The following TRIM25 variants were observed in gnomAD, a reference collection of about 807,000 sequenced individuals.
TRIM25 encodes the protein E3 ubiquitin/ISG15 ligase TRIM25.
A neutral mutation model predicts 65.2 loss-of-function variants in TRIM25; 45 were observed. The ratio of observed to expected loss-of-function variants is 0.69; its 90% CI spans 0.54 to 0.89. The LOEUF is 0.89. Ranked by LOEUF, TRIM25 falls within the 40% of genes least tolerant of loss-of-function variation. The pLI is 0.00. For synonymous variants in TRIM25, 321 were observed against 340.4 expected, an observed-to-expected ratio of 0.94 and a Z score of 0.63; for missense variants, 714 against 803.7, an observed-to-expected ratio of 0.89 and a Z score of 1.35.
chr17:56,893,686 G>A (rs562977187), intron 8 of TRIM25, among the ~76,000 whole-genome samples: 38 of 152,364 alleles, frequency 2.5e-4, no homozygotes, highest in African/African-American at 9.1e-4. Context: ...AGGGCCCTAG[G>A]CCTGGCCTTG....
chr17:56,911,887 G>A (rs1909636648), intron 1 of TRIM25, among the ~76,000 whole-genome samples: 1 of 149,970 alleles, frequency 6.7e-6, no homozygotes, highest in East Asian at 2.0e-4. Context: ...GTAAGATCCT[G>A]TCTCTAAAAG....
chr17:56,900,791 G>T (rs1909395020), intron 4 of TRIM25, among the ~76,000 whole-genome samples: 1 of 152,212 alleles, frequency 6.6e-6, no homozygotes, highest in Non-Finnish European at 1.5e-5. Flanking sequence ...AGGGTCAAGG[G>T]TTTGGTCTGC....
chr17:56,890,060 C>T lies in TRIM25; in HGVS notation c.*1640G>A. On this transcript the variant is annotated 3_prime_UTR_variant, in exon 9 of 9. Coordinates refer to ENST00000316881, the MANE Select transcript of TRIM25 (RefSeq NM_005082.5). ...AGCCTGCCTAGAGTGCCCTAGAGTT[C>T]CAGCACGAGGCCTGAGATGCATTAC... is the stretch of plus-strand genomic sequence containing the variant. 1 of 400,514 alleles carries T rather than the reference C, an allele frequency of 2.5e-6. No individual in the cohort carries two copies. The allele number at this position is 400,514 out of a possible 1,614,324, so 24.8% of individuals were successfully genotyped here.
chr17:56,892,614 C>G (rs1241569327), intron 8 of TRIM25, among the ~76,000 whole-genome samples: 1 of 152,172 alleles, frequency 6.6e-6, no homozygotes, highest in Non-Finnish European at 1.5e-5. Flanking sequence ...TTTATCCATC[C>G]ACCCATCTAT....
At chr17:56,904,784 C>A (rs970483221) in intron 2 of TRIM25, among the ~76,000 whole-genome samples, 2 of 152,208 alleles carry the variant, frequency 1.3e-5, no homozygotes, top group African/African-American at 4.8e-5. Context: ...AACCTGGAAT[C>A]AACCTGAACA....
rs144721272 is a variant in TRIM25, at chr17:56,889,576, G to A, written c.*2124C>T. On this transcript the variant is annotated 3_prime_UTR_variant, in exon 9 of 9. Transcript: ENST00000316881. ...ACAACTCCAAAGCACCTTGCACAGAGCTTGGCTTTGGTTACCTACTTGACT... is the reference window on the plus strand; with the variant it reads ...ACAACTCCAAAGCACCTTGCACAGAACTTGGCTTTGGTTACCTACTTGACT... 962 of 394,480 alleles carry A rather than the reference G, an allele frequency of 2.4e-3. 8 individuals are homozygous for A. Among genetic ancestry groups the A allele is most frequent in the African/African-American group, 0.018 (894 of 48,634 alleles). The allele number at this position is 394,480 out of a possible 1,614,324, so 24.4% of individuals were successfully genotyped here.
In TRIM25 at chr17:56,891,417, T is replaced by C; in HGVS notation, c.*283A>G. The C allele has an allele frequency of 2.2e-6, 1 of 459,056 alleles. No individual in the cohort carries two copies. The highest frequency in any genetic ancestry group is 4.0e-6 in the Non-Finnish European group (1 of 251,012). The allele number at this position is 459,056 out of a possible 1,614,324, so 28.4% of individuals were successfully genotyped here. A position where few individuals can be genotyped will look rare whatever the true frequency, so the allele number is the denominator to read the frequency against. On this transcript the variant is annotated 3_prime_UTR_variant, in exon 9 of 9. Coordinates refer to ENST00000316881, the MANE Select transcript of TRIM25 (RefSeq NM_005082.5). ...CACTCATGACTTCACTTCCCAGAGC[T>C]CTGCCCAGCTGCCCAGCAGCCTGGA... is the stretch of plus-strand genomic sequence containing the variant.
intron 3 of TRIM25, among the ~76,000 whole-genome samples, 158 bp from the exon 4 acceptor site, chr17:56,901,736 A>G (rs928136042): frequency 5.3e-5 from 8 of 152,074 alleles, no homozygotes; most frequent in African/African-American, 1.7e-4. Context: ...AGTTTAAATG[A>G]CACTTGAAGA....
rs189085291 is a variant in TRIM25 at position 56,904,247 on chromosome 17, C to T, written c.927+8G>A. On this transcript the variant is annotated splice_region_variant and intron_variant, in intron 3 of 8. Coordinates refer to ENST00000316881, the MANE Select transcript of TRIM25 (RefSeq NM_005082.5). Reference sequence around the variant, plus strand: ...AAAAACATTCAACAATGCCTTGTGGCGACCTACCTCCAGAAACTCGAACTC... The same window carrying T: ...AAAAACATTCAACAATGCCTTGTGGTGACCTACCTCCAGAAACTCGAACTC... 233 of 1,587,980 alleles carry T rather than the reference C, an allele frequency of 1.5e-4. 1 individual carries two copies. The African/African-American group carries it at 2.3e-3, about 16-fold the overall frequency.
rs1240127886 is a variant in TRIM25 at position 56,901,593 on chromosome 17, G to A, written c.928-15C>T. On this transcript the variant is annotated splice_polypyrimidine_tract_variant and intron_variant, in intron 3 of 8. Coordinates refer to ENST00000316881, the MANE Select transcript of TRIM25 (RefSeq NM_005082.5). ...TTTGATGCTTTCTGGAACATGCCAG[G>A]GGGTTAGTGCAGGCAGCTCTGGTGA... 2.5e-6 allele frequency: 4 copies of A among 1,613,992 alleles called. No individual in the cohort carries two copies. Among genetic ancestry groups the A allele is most frequent in the Admixed American group, 3.3e-5 (2 of 60,010 alleles).
intron 5 of TRIM25, among the ~76,000 whole-genome samples, chr17:56,898,430 A>G (rs1222553804): frequency 6.6e-6 from 1 of 152,166 alleles, no homozygotes; most frequent in Non-Finnish European, 1.5e-5. Flanking sequence ...CCTCGATATC[A>G]CTATTGTCCA....
intron 2 of TRIM25, 35 bp downstream of exon 2, chr17:56,908,433 G>A: frequency 6.2e-7 from 1 of 1,603,214 alleles, no homozygotes; most frequent in Non-Finnish European, 8.5e-7. Context: ...CGAAGCCACA[G>A]GGCAGGGCTG....
intron 4 of TRIM25, among the ~76,000 whole-genome samples, chr17:56,900,613 C>T (rs1032381713): frequency 3.9e-5 from 6 of 152,116 alleles, no homozygotes; most frequent in Admixed American, 6.5e-5. Context: ...TTAGTGAAGA[C>T]GGTGGAGTTC....
Position 56,913,537 on chromosome 17 carries a change from T to A in TRIM25, c.452A>T (p.Asp151Val). ...CTGGGAACATTTGCGGCGCAACAGG[T>A]CGCGAACGGGCGGCTGCAGCGGGTG... ...QDHPLQPPVR[D>V]LLRRKCSQHN... Residue 151 changes from aspartate (D) to valine (V), a missense_variant, in exon 1 of 9, where the codon GAC becomes GTC. Physicochemically the swap from Asp to Val is radical, Grantham distance 152. This residue lies in a region of TRIM25 where 291 missense variants were observed against 281.8 expected (regional missense o/e 1.03). Transcript: ENST00000316881. The surrounding 1 kb of genome is among the most constrained non-coding windows in gnomAD (Gnocchi z 6.1). 1 of 1,613,654 alleles carries A rather than the reference T, an allele frequency of 6.2e-7. No homozygotes were observed. Among genetic ancestry groups the A allele is most frequent in the Non-Finnish European group, 8.5e-7 (1 of 1,179,782 alleles).
chr17:56,899,777 G>C (rs978460178), intron 4 of TRIM25, among the ~76,000 whole-genome samples: 1 of 152,220 alleles, frequency 6.6e-6, no homozygotes, highest in Non-Finnish European at 1.5e-5. Flanking sequence ...TAGGGAAATA[G>C]CGTTGAAGAA....
Position 56,895,983 on chromosome 17 carries a change from T to G in TRIM25, c.1154-31A>C, listed in dbSNP as rs777483477. On this transcript the variant is annotated intron_variant, in intron 5 of 8. Transcript: ENST00000316881. ...AAAGAAAGTTTTCAGATTTAATTTC[T>G]TTTAAGGCACAACACAATGACATTT... 1.9e-6 allele frequency: 3 copies of G among 1,606,636 alleles called. No homozygotes were observed. In the East Asian group the frequency reaches 6.7e-5, roughly 36 times the overall value.
intron 1 of TRIM25, among the ~76,000 whole-genome samples, chr17:56,910,894 G>C (rs554713791): frequency 1.3e-5 from 2 of 152,330 alleles, no homozygotes; most frequent in East Asian, 3.9e-4. Flanking sequence ...GGCTCAAAAA[G>C]CAGACCTGTT....
intron 4 of TRIM25, among the ~76,000 whole-genome samples, chr17:56,899,583 C>A (rs1039366965): frequency 1.3e-5 from 2 of 152,146 alleles, no homozygotes; most frequent in Non-Finnish European, 2.9e-5. Context: ...TCTTTCTCTC[C>A]CCTCCTCCCA....
rs1055188514 is a variant in TRIM25, at chr17:56,889,543, C to T, written c.*2157G>A. ...GGTTCAAGACAGCAAGGATGCACTCCTCAATTTACAACTCCAAAGCACCTT... is the reference window on the plus strand; with the variant it reads ...GGTTCAAGACAGCAAGGATGCACTCTTCAATTTACAACTCCAAAGCACCTT... On this transcript the variant is annotated 3_prime_UTR_variant, in exon 9 of 9. Coordinates refer to ENST00000316881, the MANE Select transcript of TRIM25 (RefSeq NM_005082.5). 1 of 388,632 alleles carries T rather than the reference C, an allele frequency of 2.6e-6. No homozygotes were observed. Among genetic ancestry groups the T allele is most frequent in the Non-Finnish European group, 4.5e-6 (1 of 220,388 alleles). The allele number at this position is 388,632 out of a possible 1,614,324, so 24.1% of individuals were successfully genotyped here.
Sources: gnomAD v4.1 joint callset for allele counts (sites outside exome capture counted in the v4.1 genomes callset) on GRCh38, gnomAD v4.1.1 for gene constraint, gnomAD v4.1.1 regional missense constraint, Gnocchi (gnomAD v3.1) non-coding constraint, MANE v1.5 for transcripts, NCBI Gene and HGNC (gene_info 2026-07-23, HGNC 2026-07-21) for gene names.